The following PTPRD variants were observed in gnomAD, a reference collection of about 807,000 sequenced individuals.
PTPRD encodes the protein receptor-type tyrosine-protein phosphatase delta.
PTPRD carries 34 observed loss-of-function variants against 214.5 expected under a neutral mutation model. The observed-to-expected ratio is 0.16, with a 90% CI of 0.12 to 0.21. PTPRD has a LOEUF of 0.21. Among genes scored for constraint, PTPRD ranks in the 10% least tolerant of loss-of-function variants. The probability of loss-of-function intolerance (pLI) is 1.00; values close to 1 mark genes in which losing one functional copy is unlikely to be tolerated. For missense variants in PTPRD, 2,545 were observed against 2,398.7 expected (o/e 1.06, Z -1.27); for synonymous variants, 1,128 against 845.7 (o/e 1.33, Z -5.79).
intron 2 of PTPRD, among the ~76,000 whole-genome samples, chr9:10,481,459 C>T (rs1306509668): frequency 6.6e-6 from 1 of 152,068 alleles, no homozygotes; most frequent in East Asian, 1.9e-4. Flanking sequence ...ATTTATCCTT[C>T]CCAAAAGACA....
chr9:9,504,103 A>G (rs557578681), intron 8 of PTPRD, among the ~76,000 whole-genome samples: 15 of 151,876 alleles, frequency 9.9e-5, no homozygotes, highest in Non-Finnish European at 1.9e-4. Flanking sequence ...CAAAGTAAAT[A>G]TCATTTTCCT....
At chr9:8,715,988 C>G (rs991934411) in intron 12 of PTPRD, among the ~76,000 whole-genome samples, 64 of 152,368 alleles carry the variant, frequency 4.2e-4, no homozygotes, top group African/African-American at 1.4e-3. Flanking sequence ...TGCTAATTCA[C>G]TGGCTGAACT....
chr9:9,333,971 G>A (rs183561970), intron 9 of PTPRD, among the ~76,000 whole-genome samples: 1 of 151,988 alleles, frequency 6.6e-6, no homozygotes, highest in African/African-American at 2.4e-5. Context: ...CACCAGATTA[G>A]AATCTATGTG....
At chr9:9,581,050 T>C (rs2090616113) in intron 7 of PTPRD, among the ~76,000 whole-genome samples, 1 of 152,136 alleles carries the variant, frequency 6.6e-6, no homozygotes, top group South Asian at 2.1e-4. Context: ...TGCATTTTAG[T>C]CAATTTAGAA....
intron 5 of PTPRD, among the ~76,000 whole-genome samples, chr9:9,847,374 A>G (rs1380345437): frequency 6.6e-6 from 1 of 152,182 alleles, no homozygotes; most frequent in East Asian, 1.9e-4. Context: ...GCAGGATTTC[A>G]AGCATGTCAA....
At chr9:9,160,344 CAAAT>C (rs1320818046) in intron 10 of PTPRD, among the ~76,000 whole-genome samples, 2 of 151,984 alleles carry the variant, frequency 1.3e-5, no homozygotes, top group Non-Finnish European at 2.9e-5. Flanking sequence ...AGCAAGAAAA[CAAAT>C]AACCTGATTA....
At chr9:9,639,221 A>T (rs566910879) in intron 7 of PTPRD, among the ~76,000 whole-genome samples, 91 of 152,246 alleles carry the variant, frequency 6.0e-4, no homozygotes, top group African/African-American at 2.2e-3. Flanking sequence ...TCAGTCTTAG[A>T]TCCTAAGCTC....
At chr9:10,228,178 T>C (rs1233772762) in intron 3 of PTPRD, among the ~76,000 whole-genome samples, 2 of 151,890 alleles carry the variant, frequency 1.3e-5, no homozygotes, top group African/African-American at 2.4e-5. Flanking sequence ...GGAACACAAC[T>C]CGTTTAGAAG....
chr9:9,015,576 C>G (rs929236346), intron 11 of PTPRD, among the ~76,000 whole-genome samples: 1 of 152,164 alleles, frequency 6.6e-6, no homozygotes, highest in East Asian at 1.9e-4. Flanking sequence ...AGTAGCCATT[C>G]TTTTATTTCT....
intron 2 of PTPRD, among the ~76,000 whole-genome samples, chr9:10,467,579 C>A (rs139890022): frequency 3.3e-5 from 5 of 152,020 alleles, no homozygotes; most frequent in African/African-American, 1.2e-4. Flanking sequence ...AATATATAAA[C>A]GTGTGTGTAC....
chr9:9,699,839 G>T (rs1342341161), intron 7 of PTPRD, among the ~76,000 whole-genome samples: 1 of 152,164 alleles, frequency 6.6e-6, no homozygotes, highest in Non-Finnish European at 1.5e-5. Flanking sequence ...AAAGCAACAT[G>T]ATCAAATCAG....
chr9:8,842,404 A>G (rs2097576180), intron 11 of PTPRD, among the ~76,000 whole-genome samples: 1 of 152,208 alleles, frequency 6.6e-6, no homozygotes, highest in African/African-American at 2.4e-5. Context: ...AAATAGATGA[A>G]TAAAAGTTAG....
chr9:9,223,776 T>C (rs963122230), intron 9 of PTPRD, among the ~76,000 whole-genome samples: 1 of 151,994 alleles, frequency 6.6e-6, no homozygotes, highest in Non-Finnish European at 1.5e-5. Context: ...TAATTGAGTA[T>C]TAACTGAAGA....
chr9:10,284,077 A>G lies in PTPRD; in HGVS notation c.-545+56886T>C, dbSNP rs112309774. 7.2e-4 allele frequency among the ~76,000 whole-genome samples: 109 copies of G among 152,264 alleles called. 1 individual carries two copies. Among genetic ancestry groups the G allele is most frequent in the African/African-American group, 2.1e-3 (86 of 41,534 alleles). Reference sequence around the variant, plus strand: ...ACTCTCTGCTCGGCTTATCTCTGACATTCTGTGATTATTAGAATTACTTAC... The same window carrying G: ...ACTCTCTGCTCGGCTTATCTCTGACGTTCTGTGATTATTAGAATTACTTAC... On this transcript the variant is annotated intron_variant, in intron 3 of 45. Coordinates refer to ENST00000381196, the MANE Select transcript of PTPRD (RefSeq NM_002839.4).
At chr9:9,831,486 C>T (rs1312438503) in intron 5 of PTPRD, among the ~76,000 whole-genome samples, 1 of 151,962 alleles carries the variant, frequency 6.6e-6, no homozygotes, top group African/African-American at 2.4e-5. Flanking sequence ...AGTTTCTGCT[C>T]TCCCTTAACT....
intron 7 of PTPRD, among the ~76,000 whole-genome samples, chr9:9,653,620 G>A (rs2096433425): frequency 6.6e-6 from 1 of 152,086 alleles, no homozygotes; most frequent in Non-Finnish European, 1.5e-5. Context: ...TTACTGAACA[G>A]CATGAGGTCC....
In PTPRD at chr9:8,796,464, T is replaced by C. The variant is rs145805819; in HGVS notation, c.-103-62518A>G. The stretch of plus-strand genomic sequence containing the variant: ...ATCAGCAGCTCAGAGTAAGTGAGTA[T>C]TGCACAGCCTACAATACTTATCAGT... On this transcript the variant is annotated intron_variant, in intron 11 of 45. Coordinates refer to ENST00000381196, the MANE Select transcript of PTPRD (RefSeq NM_002839.4). 6.6e-5 allele frequency among the ~76,000 whole-genome samples: 10 copies of C among 152,280 alleles called. No homozygotes were observed. The East Asian group carries it at 9.7e-4, about 15-fold the overall frequency.
At chr9:10,514,197 T>G (rs1054244461) in intron 2 of PTPRD, among the ~76,000 whole-genome samples, 1 of 152,104 alleles carries the variant, frequency 6.6e-6, no homozygotes, top group African/African-American at 2.4e-5. Context: ...AATTTATACA[T>G]AGATACATAT....
At chr9:8,468,812 A>AG (rs1356343923) in intron 31 of PTPRD, among the ~76,000 whole-genome samples, 2 of 151,666 alleles carry the variant, frequency 1.3e-5, no homozygotes, top group Non-Finnish European at 3.0e-5. Flanking sequence ...AAAAAAAAAA[A>AG]AAAAACTCTC....
Sources: gnomAD v4.1 joint callset for allele counts (sites outside exome capture counted in the v4.1 genomes callset) on GRCh38, gnomAD v4.1.1 for gene constraint, MANE v1.5 for transcripts, NCBI Gene and HGNC (gene_info 2026-07-23, HGNC 2026-07-21) for gene names.